LANCL3: variants seen among roughly 807,000 people sequenced by gnomAD.
The protein encoded by LANCL3 is lanC-like protein 3.
Under a neutral mutation model 26.5 loss-of-function variants are expected in LANCL3, and 19 were observed. The ratio of observed to expected loss-of-function variants is 0.72; its 90% CI spans 0.50 to 1.05. The LOEUF (loss-of-function observed/expected upper bound fraction) is 1.05. Among genes scored for constraint, LANCL3 ranks in the 50% least tolerant of loss-of-function variants. LANCL3 has a pLI of 0.00. For synonymous variants in LANCL3, 160 were observed against 166.6 expected, an observed-to-expected ratio of 0.96 and a Z score of 0.30; for missense variants, 318 against 362.7, an observed-to-expected ratio of 0.88 and a Z score of 1.00.
chrX:37,622,522 TTATACTAATCATCTGTTATCATCTGG>T (rs1259473767), intron 1 of LANCL3, among the ~76,000 whole-genome samples: 12 of 111,737 alleles, frequency 1.1e-4, no homozygotes, highest in African/African-American at 3.2e-4. Flanking sequence ...ACCGTTTCCC[TTATACTAATCATCTGTTATCATCTGG>T]TAGCACAAAA....
At chrX:37,636,361 C>T (rs146441718) in intron 1 of LANCL3, among the ~76,000 whole-genome samples, 2,921 of 111,828 alleles carry the variant, frequency 0.026, 45 homozygotes, top group Non-Finnish European at 0.038. Flanking sequence ...AATGGTGGTT[C>T]GTTTTAAGTT....
intron 1 of LANCL3, among the ~76,000 whole-genome samples, chrX:37,588,230 A>T (rs782215873): frequency 1.8e-5 from 2 of 111,843 alleles, no homozygotes; most frequent in Non-Finnish European, 3.8e-5. Flanking sequence ...GCTGCAACAC[A>T]ATATACAATG....
chrX:37,589,136 C>T (rs12851540), intron 1 of LANCL3, among the ~76,000 whole-genome samples: 6,356 of 111,393 alleles, frequency 0.057, 194 homozygotes, highest in Non-Finnish European at 0.09. Flanking sequence ...TTAACATAAT[C>T]TTGCTTTTTA....
chrX:37,611,133 C>T (rs1924857869), intron 1 of LANCL3, among the ~76,000 whole-genome samples: 1 of 112,178 alleles, frequency 8.9e-6, no homozygotes, highest in South Asian at 3.7e-4. Context: ...ATCCCTGTCC[C>T]TCATTGGTTG....
At chrX:37,663,988 A>C (rs1325370806) in intron 3 of LANCL3, among the ~76,000 whole-genome samples, 1 of 111,884 alleles carries the variant, frequency 8.9e-6, no homozygotes, top group Non-Finnish European at 1.9e-5. Flanking sequence ...GAGGCAAGGA[A>C]GTCAATATTT....
intron 1 of LANCL3, among the ~76,000 whole-genome samples, chrX:37,647,958 G>T (rs1355692024): frequency 8.9e-6 from 1 of 112,572 alleles, no homozygotes; most frequent in Non-Finnish European, 1.9e-5. Context: ...GAGGTAAAAT[G>T]TTTATAGCAA....
At chrX:37,664,164 G>A (rs1556433273) in intron 3 of LANCL3, among the ~76,000 whole-genome samples, 3 of 111,667 alleles carry the variant, frequency 2.7e-5, no homozygotes, top group African/African-American at 9.8e-5. Flanking sequence ...GATCCATGCA[G>A]GTCATCAACA....
At chrX:37,572,521 G>A (rs1247561063) in intron 1 of LANCL3, 78 bp downstream of exon 1, 1 of 872,627 alleles carries the variant, frequency 1.1e-6, no homozygotes, top group Non-Finnish European at 1.6e-6. Context: ...GGCTCGGGCA[G>A]CACTGTCCCG....
chrX:37,642,290 C>G lies in LANCL3; in HGVS notation c.574-13398C>G, dbSNP rs375067809. ...GGCTAGCAATGTTGTTAGATTGGCA[C>G]TTTATGGCTGCCCAGTTTATGTGGG... On this transcript the variant is annotated intron_variant, in intron 1 of 4. Coordinates refer to ENST00000378619, the MANE Select transcript of LANCL3 (RefSeq NM_001170331.2). 6.2e-5 allele frequency among the ~76,000 whole-genome samples: 7 copies of G among 112,048 alleles called. No individual in the cohort carries two copies. In the East Asian group the frequency reaches 1.1e-3, roughly 18 times the overall value.
In LANCL3 at chrX:37,659,617, G is replaced by A. The variant is rs782142664; in HGVS notation, c.853G>A (p.Glu285Lys). Residue 285 changes from glutamate to lysine, a missense_variant, in exon 3 of 5, where the codon GAG (glutamate) becomes AAG (lysine). Transcript: ENST00000378619. ...NWPPELGETIERENELVHWCH... is the reference protein window; with the variant it reads ...NWPPELGETIKRENELVHWCH... Reference sequence around the variant, plus strand: ...GCCACCTGAGCTCGGCGAGACCATCGAGAGAGAGAATGAGCTGGTGCACTG... The same window carrying A: ...GCCACCTGAGCTCGGCGAGACCATCAAGAGAGAGAATGAGCTGGTGCACTG... 18 of 1,208,021 alleles carry A rather than the reference G, an allele frequency of 1.5e-5. No individual in the cohort carries two copies. The highest frequency in any genetic ancestry group is 3.5e-5 in the African/African-American group (2 of 56,689).
intron 1 of LANCL3, among the ~76,000 whole-genome samples, chrX:37,585,861 C>G (rs782425984): frequency 1.8e-5 from 2 of 111,793 alleles, no homozygotes; most frequent in Non-Finnish European, 3.8e-5. Context: ...GTTTATTTTG[C>G]TCATTAGTTG....
chrX:37,650,131 G>T (rs1332328650), intron 1 of LANCL3, among the ~76,000 whole-genome samples: 1 of 108,255 alleles, frequency 9.2e-6, no homozygotes, highest in South Asian at 4.1e-4. Context: ...GTGAAACCCC[G>T]TCTCTGCTAA....
intron 1 of LANCL3, among the ~76,000 whole-genome samples, chrX:37,581,680 A>G (rs1923897065): frequency 8.9e-6 from 1 of 112,241 alleles, no homozygotes; most frequent in Non-Finnish European, 1.9e-5. Flanking sequence ...CAATGATTTA[A>G]CAGACCTACT....
At chrX:37,612,716 T>A (rs1484814211) in intron 1 of LANCL3, among the ~76,000 whole-genome samples, 3 of 111,994 alleles carry the variant, frequency 2.7e-5, no homozygotes, top group African/African-American at 9.7e-5. Context: ...TTTTGGTAGG[T>A]GCTGAAGATA....
At chrX:37,669,573 G>A (rs1329983107) in intron 4 of LANCL3, among the ~76,000 whole-genome samples, 1 of 111,483 alleles carries the variant, frequency 9.0e-6, no homozygotes, top group Non-Finnish European at 1.9e-5. Context: ...CTCTGGCCAT[G>A]TAAGATGTGT....
At chrX:37,584,967 A>C (rs1556417624) in intron 1 of LANCL3, among the ~76,000 whole-genome samples, 1 of 111,525 alleles carries the variant, frequency 9.0e-6, no homozygotes, top group Non-Finnish European at 1.9e-5. Flanking sequence ...CACTGCTTTA[A>C]ATGTGTCCCA....
intron 1 of LANCL3, among the ~76,000 whole-genome samples, chrX:37,611,929 ATTATT>A (rs782752534): frequency 1.8e-5 from 2 of 110,320 alleles, no homozygotes; most frequent in South Asian, 3.8e-4. Context: ...ATTTTATTTT[ATTATT>A]TTATTTTATT....
chrX:37,659,397 T>C (rs2146783338), intron 2 of LANCL3, 65 bp from the exon 3 acceptor site: 2 of 839,377 alleles, frequency 2.4e-6, no homozygotes, highest in Admixed American at 2.4e-5. Flanking sequence ...CTGTTGATCT[T>C]TTCACTAAAT....
intron 1 of LANCL3, among the ~76,000 whole-genome samples, chrX:37,610,294 A>G (rs1482266172): frequency 2.7e-5 from 3 of 111,895 alleles, no homozygotes; most frequent in Non-Finnish European, 5.6e-5. Context: ...CTAAGAGAAT[A>G]TAGCAAAAGT....
Sources: allele counts gnomAD v4.1 joint callset (sites outside exome capture counted in the v4.1 genomes callset), GRCh38; gene constraint gnomAD v4.1.1; transcripts MANE v1.5; gene names NCBI Gene and HGNC (gene_info 2026-07-23, HGNC 2026-07-21).